The following CISD2 variants were observed in gnomAD, a reference collection of about 807,000 sequenced individuals.
CISD2 encodes the protein CDGSH iron-sulfur domain-containing protein 2.
A neutral mutation model predicts 12.9 loss-of-function variants in CISD2; 1 was observed. The ratio of observed to expected loss-of-function variants is 0.08; its 90% CI spans 0.03 to 0.37. CISD2 has a LOEUF of 0.37. Ranked by LOEUF, CISD2 falls within the 10% of genes least tolerant of loss-of-function variation. The pLI is 0.99. For synonymous variants in CISD2, 50 were observed against 60.6 expected (o/e 0.83, Z 0.81); for missense variants, 97 against 163.1 (o/e 0.59, Z 2.21).
chr4:102,885,755 G>A (rs1733877314), intron 2 of CISD2, among the ~76,000 whole-genome samples: 1 of 152,162 alleles, frequency 6.6e-6, no homozygotes, highest in Non-Finnish European at 1.5e-5. Context: ...GTAAATAGTG[G>A]TCAAATATAC....
chr4:102,878,625 T>C (rs1733645283), intron 1 of CISD2, among the ~76,000 whole-genome samples: 1 of 152,212 alleles, frequency 6.6e-6, no homozygotes, highest in African/African-American at 2.4e-5. Flanking sequence ...TCCCAGTAAG[T>C]TCCTCATCTC....
At chr4:102,878,301 TTG>T (rs984908060) in intron 1 of CISD2, among the ~76,000 whole-genome samples, 1 of 152,018 alleles carries the variant, frequency 6.6e-6, no homozygotes, top group African/African-American at 2.4e-5. Flanking sequence ...CCAGCTAATT[TTG>T]TATTTTTAGT....
At position 102,889,007 on chromosome 4, in the gene CISD2, A is replaced by ATTG. The variant is rs1375317868; in HGVS notation, c.*1580_*1582dup. 13 of 152,230 alleles carry ATTG rather than the reference A, an allele frequency of 8.5e-5. No individual in the cohort carries two copies. The highest frequency in any genetic ancestry group is 3.1e-4 in the African/African-American group (13 of 41,570). 9.4% of individuals were successfully genotyped at this position (152,230 alleles called of 1,614,324 possible). On this transcript the variant is annotated 3_prime_UTR_variant, in exon 3 of 3. Transcript: ENST00000273986. The stretch of plus-strand genomic sequence containing the variant: ...GGTAATCCTTCTAGAAATAAAACTA[A>ATTG]TTGTTATTGGGCACTTGTATGTACC...
Position 102,885,196 on chromosome 4 carries a change from T to C in CISD2, c.104-20T>C. Reference sequence around the variant, plus strand: ...TCTTTTCCAAGAGCACTGCAGATTCTGACACATCTACATGTTTAGTTTCAG... The same window carrying C: ...TCTTTTCCAAGAGCACTGCAGATTCCGACACATCTACATGTTTAGTTTCAG... On this transcript the variant is annotated intron_variant, in intron 1 of 2. Coordinates refer to ENST00000273986, the MANE Select transcript of CISD2 (RefSeq NM_001008388.5). 6.3e-7 allele frequency: 1 copy of C among 1,594,928 alleles called. No homozygotes were observed. Among genetic ancestry groups the C allele is most frequent in the Non-Finnish European group, 8.6e-7 (1 of 1,162,686 alleles).
chr4:102,887,263 C>T lies in CISD2; in HGVS notation c.319-78C>T, dbSNP rs1733975921. The T allele has an allele frequency of 3.4e-6, 3 of 881,488 alleles. 1 individual carries two copies. In the African/African-American group the frequency reaches 5.0e-5, roughly 15 times the overall value. 54.6% of individuals were successfully genotyped at this position (881,488 alleles called of 1,614,324 possible). A position where few individuals can be genotyped will look rare whatever the true frequency, so the allele number is the denominator to read the frequency against. On this transcript the variant is annotated intron_variant, in intron 2 of 2. Transcript: ENST00000273986. ...TTTTAGCAAGTGATATGCTTTCTTT[C>T]TGAGAGCATTTCACAAATGTTTCTA...
intron 1 of CISD2, among the ~76,000 whole-genome samples, chr4:102,879,741 C>T (rs1037966584): frequency 7.9e-5 from 12 of 152,034 alleles, no homozygotes; most frequent in Non-Finnish European, 1.8e-4. Flanking sequence ...CACTGCACTC[C>T]AGCTTGGGCG....
intron 1 of CISD2, among the ~76,000 whole-genome samples, chr4:102,870,401 C>T (rs556636477): frequency 6.6e-6 from 1 of 152,128 alleles, no homozygotes; most frequent in Non-Finnish European, 1.5e-5. Context: ...CAAAAAGACT[C>T]TGGTGGTGGG....
chr4:102,885,352 G>A lies in CISD2; in HGVS notation c.240G>A (p.Pro80=), dbSNP rs375529885. ...ATCTTAAAATACAAAAGGAAAATCC[G>A]AAAGTAGTGAATGAAATAAACATTG... is the stretch of plus-strand genomic sequence containing the variant. ...LINLKIQKEN[P]KVVNEINIED... is the part of the protein sequence containing the mutation. Residue 80 remains proline, a synonymous_variant, in exon 2 of 3, where the codon CCG becomes CCA. Transcript: ENST00000273986. 543 of 1,613,980 alleles carry A rather than the reference G, an allele frequency of 3.4e-4. 7 individuals carry two copies. Among genetic ancestry groups the A allele is most frequent in the Admixed American group, 2.0e-3 (119 of 60,014 alleles).
intron 1 of CISD2, among the ~76,000 whole-genome samples, chr4:102,877,503 G>A (rs1036425478): frequency 6.6e-6 from 1 of 152,188 alleles, no homozygotes; most frequent in South Asian, 2.1e-4. Flanking sequence ...GGCTGGCATC[G>A]AGTGCCTGCG....
intron 1 of CISD2, among the ~76,000 whole-genome samples, chr4:102,879,391 C>T (rs1205194308): frequency 6.6e-6 from 1 of 152,032 alleles, no homozygotes; most frequent in Non-Finnish European, 1.5e-5. Context: ...GAAAGTACTA[C>T]AAGAGCAAAC....
At chr4:102,875,529 A>C (rs1258188911) in intron 1 of CISD2, among the ~76,000 whole-genome samples, 3 of 152,230 alleles carry the variant, frequency 2.0e-5, no homozygotes, top group Non-Finnish European at 4.4e-5. Flanking sequence ...TATTTTAAGT[A>C]GTCTTCCTGT....
At chr4:102,885,106 A>G in intron 1 of CISD2, 110 bp from the exon 2 acceptor site, 1 of 872,924 alleles carries the variant, frequency 1.1e-6, no homozygotes. Flanking sequence ...TCCATTAAAA[A>G]GGAATTAATG....
chr4:102,874,929 C>G (rs1366008868), intron 1 of CISD2, among the ~76,000 whole-genome samples: 1 of 152,198 alleles, frequency 6.6e-6, no homozygotes, highest in African/African-American at 2.4e-5. Context: ...GCCCTCTAAT[C>G]CATCTTCCAT....
At chr4:102,876,577 A>C (rs113315757) in intron 1 of CISD2, among the ~76,000 whole-genome samples, 2,785 of 152,146 alleles carry the variant, frequency 0.018, 78 homozygotes, top group African/African-American at 0.061. Flanking sequence ...GTGAAACCCC[A>C]TCTGTACTAA....
At chr4:102,876,776 A>G (rs1329036717) in intron 1 of CISD2, among the ~76,000 whole-genome samples, 1 of 152,072 alleles carries the variant, frequency 6.6e-6, no homozygotes, top group East Asian at 1.9e-4. Flanking sequence ...ATACCCAAGA[A>G]TGGGTAATTT....
At chr4:102,877,078 A>G (rs1365776276) in intron 1 of CISD2, among the ~76,000 whole-genome samples, 4 of 152,176 alleles carry the variant, frequency 2.6e-5, no homozygotes, top group African/African-American at 9.7e-5. Flanking sequence ...GCCAAGCCAT[A>G]TTATTCCACC....
At chr4:102,876,538 A>G (rs917944643) in intron 1 of CISD2, among the ~76,000 whole-genome samples, 4 of 152,202 alleles carry the variant, frequency 2.6e-5, no homozygotes, top group African/African-American at 9.7e-5. Context: ...TCATGAGGTC[A>G]GGAGATCGAG....
intron 1 of CISD2, among the ~76,000 whole-genome samples, chr4:102,879,584 C>T (rs7670696): frequency 0.018 from 2,796 of 152,096 alleles, 81 homozygotes; most frequent in African/African-American, 0.061. Flanking sequence ...CCAGCCTGGC[C>T]AACATGGTGA....
chr4:102,890,933 T>G lies in CISD2; in HGVS notation c.*3503T>G, dbSNP rs1734218867. 1 of 147,154 alleles carries G rather than the reference T, an allele frequency of 6.8e-6. No individual in the cohort carries two copies. Among genetic ancestry groups the G allele is most frequent in the Non-Finnish European group, 1.5e-5 (1 of 67,586 alleles). The allele number at this position is 147,154 out of a possible 1,614,324, so 9.1% of individuals were successfully genotyped here. ...TTCGTAGGACAGGAGGAAACCAATA[T>G]AAATATCTCAGCATTGTAGGAAATT... On this transcript the variant is annotated 3_prime_UTR_variant, in exon 3 of 3. Coordinates refer to ENST00000273986, the MANE Select transcript of CISD2 (RefSeq NM_001008388.5).
Sources: gnomAD v4.1 joint callset for allele counts (sites outside exome capture counted in the v4.1 genomes callset) on GRCh38, gnomAD v4.1.1 for gene constraint, MANE v1.5 for transcripts, NCBI Gene and HGNC (gene_info 2026-07-23, HGNC 2026-07-21) for gene names.